The following SGCZ variants were observed in gnomAD, a reference collection of about 807,000 sequenced individuals.
SGCZ encodes sarcoglycan zeta.
A neutral mutation model predicts 41.3 loss-of-function variants in SGCZ; 40 were observed. That is an observed-to-expected ratio of 0.97 (90% CI 0.75 to 1.26). SGCZ has a LOEUF of 1.26. SGCZ is among the 50% of genes most tolerant of loss of function. The pLI, the probability that SGCZ is intolerant of heterozygous loss-of-function variation, is 0.00. For missense variants in SGCZ, 552 were observed against 369.8 expected (o/e 1.49, Z -4.04); for synonymous variants, 206 against 137.5 (o/e 1.50, Z -3.49).
At chr8:14,556,418 C>T (rs1451529624) in intron 1 of SGCZ, among the ~76,000 whole-genome samples, 1 of 151,494 alleles carries the variant, frequency 6.6e-6, no homozygotes, top group Admixed American at 6.6e-5. Context: ...TTGACTCAAT[C>T]CTACTGTAGA....
At chr8:14,313,910 C>CTCTGTGTGTG (rs148519698) in intron 3 of SGCZ, among the ~76,000 whole-genome samples, 4 of 144,804 alleles carry the variant, frequency 2.8e-5, no homozygotes, top group Admixed American at 6.9e-5. Flanking sequence ...TATCATCTCT[C>CTCTGTGTGTG]TGTGTGTGTG....
chr8:15,169,713 T>A (rs268397), intron 1 of SGCZ, among the ~76,000 whole-genome samples: 7,780 of 152,314 alleles, frequency 0.051, 273 homozygotes, highest in Non-Finnish European at 0.076. Context: ...TCATTTCCTG[T>A]ATCTTCACAT....
chr8:14,385,387 G>A (rs1194375766), intron 2 of SGCZ, among the ~76,000 whole-genome samples: 1 of 152,160 alleles, frequency 6.6e-6, no homozygotes, highest in Admixed American at 6.5e-5. Context: ...TGCCACTAGG[G>A]TCAAGCAATT....
intron 2 of SGCZ, among the ~76,000 whole-genome samples, chr8:14,421,546 C>G (rs1799637122): frequency 6.6e-6 from 1 of 152,094 alleles, no homozygotes; most frequent in South Asian, 2.1e-4. Context: ...TCTAAGTCAT[C>G]TGCATCATAT....
intron 2 of SGCZ, among the ~76,000 whole-genome samples, chr8:14,410,411 A>AAAG (rs3068593): frequency 7.0e-4 from 106 of 151,794 alleles, no homozygotes; most frequent in Non-Finnish European, 1.3e-3. Context: ...AAAAAAAAAA[A>AAAG]CAGAAAAGGC....
chr8:14,771,623 TAAC>T (rs1199918117), intron 1 of SGCZ, among the ~76,000 whole-genome samples: 5 of 152,108 alleles, frequency 3.3e-5, no homozygotes, highest in Non-Finnish European at 7.4e-5. Flanking sequence ...CATAATTAGG[TAAC>T]AATATATCAT....
At chr8:14,800,113 C>G (rs1041041075) in intron 1 of SGCZ, among the ~76,000 whole-genome samples, 1 of 151,838 alleles carries the variant, frequency 6.6e-6, no homozygotes, top group Admixed American at 6.6e-5. Flanking sequence ...ACCATTGAAC[C>G]AGCATCTACA....
intron 4 of SGCZ, among the ~76,000 whole-genome samples, chr8:14,215,204 G>A (rs1330368815): frequency 1.3e-5 from 2 of 152,048 alleles, no homozygotes; most frequent in Non-Finnish European, 2.9e-5. Context: ...ATCAATATTA[G>A]AAAGGTAGCA....
chr8:14,992,762 C>T (rs59074729), intron 1 of SGCZ, among the ~76,000 whole-genome samples: 28,901 of 135,284 alleles, frequency 0.21, 3,916 homozygotes, highest in East Asian at 0.37. Context: ...ATTTACCCCT[C>T]CCCCATCCTC....
At chr8:14,803,824 T>C (rs556365814) in intron 1 of SGCZ, among the ~76,000 whole-genome samples, 1 of 132,104 alleles carries the variant, frequency 7.6e-6, no homozygotes, top group African/African-American at 3.2e-5. Flanking sequence ...GACTTAAATG[T>C]CCCTGTCTGA....
At chr8:14,995,973 G>A (rs756265164) in intron 1 of SGCZ, among the ~76,000 whole-genome samples, 6 of 151,530 alleles carry the variant, frequency 4.0e-5, no homozygotes, top group Admixed American at 2.0e-4. Context: ...GTGTGATCTC[G>A]CCTCACTGCA....
chr8:14,316,812 G>GACACACACACAC (rs55956388), intron 3 of SGCZ, among the ~76,000 whole-genome samples: 14 of 142,496 alleles, frequency 9.8e-5, no homozygotes, highest in African/African-American at 3.4e-4. Flanking sequence ...ATTTATTATA[G>GACACACACACAC]ACACACACAC....
At chr8:15,156,296 A>T (rs1010108961) in intron 1 of SGCZ, among the ~76,000 whole-genome samples, 1 of 152,134 alleles carries the variant, frequency 6.6e-6, no homozygotes, top group Non-Finnish European at 1.5e-5. Context: ...TCACTAGGCA[A>T]TCTAAAGTTC....
At chr8:14,944,007 G>C (rs1426019567) in intron 1 of SGCZ, among the ~76,000 whole-genome samples, 1 of 152,032 alleles carries the variant, frequency 6.6e-6, no homozygotes, top group East Asian at 1.9e-4. Flanking sequence ...CCAGTCTACT[G>C]CTGATGGGCA....
At chr8:14,864,365 T>C (rs577386043) in intron 1 of SGCZ, among the ~76,000 whole-genome samples, 5 of 152,294 alleles carry the variant, frequency 3.3e-5, no homozygotes, top group South Asian at 4.1e-4. Context: ...AATAGACATA[T>C]TAATTTTCTT....
chr8:14,416,926 T>C (rs1003944593), intron 2 of SGCZ, among the ~76,000 whole-genome samples: 3 of 151,890 alleles, frequency 2.0e-5, no homozygotes, highest in African/African-American at 7.2e-5. Context: ...AAAGAGCATA[T>C]GTGTGACAGT....
At chr8:14,664,038 T>C (rs931691011) in intron 1 of SGCZ, among the ~76,000 whole-genome samples, 1 of 152,150 alleles carries the variant, frequency 6.6e-6, no homozygotes, top group South Asian at 2.1e-4. Flanking sequence ...ACTCCAACTA[T>C]GTTAAAGCTC....
intron 1 of SGCZ, among the ~76,000 whole-genome samples, chr8:14,782,556 A>C (rs1376484147): frequency 6.6e-6 from 1 of 152,204 alleles, no homozygotes; most frequent in Admixed American, 6.5e-5. Context: ...CGAATTAACC[A>C]TCTGGAACCA....
chr8:14,605,308 G>A (rs1046080640), intron 1 of SGCZ, among the ~76,000 whole-genome samples: 1 of 151,700 alleles, frequency 6.6e-6, no homozygotes, highest in Non-Finnish European at 1.5e-5. Context: ...TATTTATGGG[G>A]TACGTGAGAT....
Sources: gnomAD v4.1 joint callset for allele counts (sites outside exome capture counted in the v4.1 genomes callset) on GRCh38, gnomAD v4.1.1 for gene constraint, MANE v1.5 for transcripts, NCBI Gene and HGNC (gene_info 2026-07-23, HGNC 2026-07-21) for gene names.